The following COLEC10 variants were observed in gnomAD, a reference collection of about 807,000 sequenced individuals.
The protein encoded by COLEC10 is collectin subfamily member 10.
A neutral mutation model predicts 28.4 loss-of-function variants in COLEC10; 22 were observed. The observed-to-expected ratio is 0.78, with a 90% CI of 0.55 to 1.11. The LOEUF is 1.11. Ranked by LOEUF, COLEC10 falls within the 50% of genes least tolerant of loss-of-function variation. COLEC10 has a pLI of 0.00. For synonymous variants in COLEC10, 125 were observed against 116.1 expected (o/e 1.08, Z -0.49); for missense variants, 361 against 344.1 (o/e 1.05, Z -0.39).
intron 2 of COLEC10, among the ~76,000 whole-genome samples, chr8:119,039,593 T>A (rs558471329): frequency 3.3e-5 from 5 of 152,248 alleles, no homozygotes; most frequent in African/African-American, 1.2e-4. Context: ...CTGTAACAAA[T>A]TACCATATAA....
intron 1 of COLEC10, among the ~76,000 whole-genome samples, chr8:119,069,288 A>G (rs1815040153): frequency 6.6e-6 from 1 of 151,966 alleles, no homozygotes; most frequent in African/African-American, 2.4e-5. Context: ...AGAAACCAAG[A>G]CATGATACCT....
At chr8:119,086,638 G>A (rs1313135335) in intron 1 of COLEC10, among the ~76,000 whole-genome samples, 1 of 152,154 alleles carries the variant, frequency 6.6e-6, no homozygotes, top group African/African-American at 2.4e-5. Context: ...AGATCACTAA[G>A]TCACTCACCC....
chr8:118,980,226 G>A, the COLEC10 span, among the ~76,000 whole-genome samples: 1 of 143,688 alleles, frequency 7.0e-6, no homozygotes, highest in Admixed American at 7.0e-5. Context: ...TTTTGAGACA[G>A]TTTTTCTCTG....
At chr8:118,969,479 C>T in the COLEC10 span, among the ~76,000 whole-genome samples, 2 of 152,002 alleles carry the variant, frequency 1.3e-5, no homozygotes, top group African/African-American at 4.8e-5. Context: ...TTGCTAACAT[C>T]TGCCAGGCAC....
intron 2 of COLEC10, among the ~76,000 whole-genome samples, chr8:119,060,241 T>C (rs181194052): frequency 6.6e-6 from 1 of 152,112 alleles, no homozygotes; most frequent in Non-Finnish European, 1.5e-5. Flanking sequence ...TTTTGGAAGC[T>C]AGCAAAAGTA....
At chr8:118,995,932 G>C (rs1457886940) in intron 1 of COLEC10, among the ~76,000 whole-genome samples, 1 of 151,804 alleles carries the variant, frequency 6.6e-6, no homozygotes. Context: ...CAAGTTTTTA[G>C]AGGTACAGTA....
rs568955439 is a variant in COLEC10, at chr8:118,995,689, G to A, written n.122+116G>A. On this transcript the variant is annotated intron_variant and non_coding_transcript_variant, in intron 1 of 6. Coordinates refer to the COLEC10 transcript ENST00000521788. ...GATATAGCCCACCCCTTCAAAAATA[G>A]TTTGGTAGAGTAACACAAGGTATGA... The A allele has an allele frequency of 9.2e-5, 14 of 152,164 alleles. 1 individual carries two copies. The highest frequency in any genetic ancestry group is 3.4e-4 in the African/African-American group (14 of 41,530). The allele number at this position is 152,164 out of a possible 1,614,324, so 9.4% of individuals were successfully genotyped here. A position where few individuals can be genotyped will look rare whatever the true frequency, so the allele number is the denominator to read the frequency against.
the COLEC10 span, among the ~76,000 whole-genome samples, chr8:118,969,693 CT>C: frequency 0.012 from 1,620 of 139,068 alleles, 18 homozygotes; most frequent in Admixed American, 0.041. Flanking sequence ...TTCTTTCTTT[CT>C]TTTTTTTTTT....
At chr8:118,975,576 T>C in the COLEC10 span, among the ~76,000 whole-genome samples, 8 of 152,200 alleles carry the variant, frequency 5.3e-5, no homozygotes, top group East Asian at 1.5e-3. Flanking sequence ...CAGATTGTCC[T>C]TTAGGCATGG....
chr8:119,069,298 T>C (rs748050134), intron 1 of COLEC10, among the ~76,000 whole-genome samples: 45 of 152,072 alleles, frequency 3.0e-4, no homozygotes, highest in Non-Finnish European at 4.7e-4. Flanking sequence ...ACATGATACC[T>C]TCTCTTAAGA....
chr8:119,016,958 C>A (rs891417360), intron 2 of COLEC10, among the ~76,000 whole-genome samples: 6 of 151,476 alleles, frequency 4.0e-5, no homozygotes, highest in Non-Finnish European at 7.4e-5. Context: ...TTGTGATCCA[C>A]CTGCCTCGGG....
In COLEC10 at chr8:119,083,009, C is replaced by G. The variant is rs570423387; in HGVS notation, c.149-6671C>G. Among the ~76,000 whole-genome samples, 3 of 152,254 alleles carry G rather than the reference C, an allele frequency of 2.0e-5. No individual in the cohort carries two copies. In the East Asian group the frequency reaches 5.8e-4, roughly 29 times the overall value. ...CTTTGACCTCTTCCTGGGAAGGAAC[C>G]TCTCATAATCATTATCTAGTGTTTG... is the stretch of plus-strand genomic sequence containing the variant. On this transcript the variant is annotated intron_variant, in intron 1 of 5. Transcript: ENST00000332843.
chr8:119,095,647 A>G (rs902323723), intron 3 of COLEC10, among the ~76,000 whole-genome samples: 2 of 152,176 alleles, frequency 1.3e-5, no homozygotes, highest in Non-Finnish European at 2.9e-5. Context: ...GGTTGCAGTG[A>G]GCTGAGATCC....
chr8:118,988,332 A>C, the COLEC10 span, among the ~76,000 whole-genome samples: 1 of 151,924 alleles, frequency 6.6e-6, no homozygotes, highest in East Asian at 1.9e-4. Flanking sequence ...AATGTGTCCA[A>C]CTCCTCTCTC....
intron 2 of COLEC10, among the ~76,000 whole-genome samples, chr8:119,031,990 A>G (rs1442793527): frequency 6.6e-6 from 1 of 152,194 alleles, no homozygotes; most frequent in Non-Finnish European, 1.5e-5. Context: ...TTTAAGCTTC[A>G]CCAAAAAACC....
At chr8:119,047,838 T>A (rs542921531) in intron 2 of COLEC10, among the ~76,000 whole-genome samples, 2 of 152,188 alleles carry the variant, frequency 1.3e-5, no homozygotes, top group African/African-American at 2.4e-5. Flanking sequence ...TTTGAAAAAA[T>A]TTAATCTTTC....
chr8:119,061,401 C>A (rs1003968121), intron 2 of COLEC10, among the ~76,000 whole-genome samples: 6 of 144,510 alleles, frequency 4.2e-5, no homozygotes, highest in South Asian at 4.5e-4. Flanking sequence ...AAAAGGTCCA[C>A]ATTAAGGCCA....
chr8:118,976,047 T>C, the COLEC10 span, among the ~76,000 whole-genome samples: 2 of 152,104 alleles, frequency 1.3e-5, no homozygotes, highest in Non-Finnish European at 2.9e-5. Context: ...CAAAAATACA[T>C]ATCCAGTTTC....
At chr8:119,031,344 A>T (rs1814284406) in intron 2 of COLEC10, among the ~76,000 whole-genome samples, 1 of 152,226 alleles carries the variant, frequency 6.6e-6, no homozygotes, top group South Asian at 2.1e-4. Flanking sequence ...TGACAATTAC[A>T]GGAGGAAAGA....
Sources: allele counts gnomAD v4.1 joint callset (sites outside exome capture counted in the v4.1 genomes callset), GRCh38; gene constraint gnomAD v4.1.1; transcripts MANE v1.5; gene names NCBI Gene and HGNC (gene_info 2026-07-23, HGNC 2026-07-21).